The following UPF2 variants were observed in gnomAD, a reference collection of about 807,000 sequenced individuals.
UPF2 encodes regulator of nonsense transcripts 2.
A neutral mutation model predicts 141.4 loss-of-function variants in UPF2; 17 were observed. That is an observed-to-expected ratio of 0.12 (90% CI 0.08 to 0.18). UPF2 has a LOEUF of 0.18. Ranked by LOEUF, UPF2 falls within the 10% of genes least tolerant of loss-of-function variation. The pLI, the probability that UPF2 is intolerant of heterozygous loss-of-function variation, is 1.00. For synonymous variants in UPF2, 540 were observed against 498.0 expected, an observed-to-expected ratio of 1.08 and a Z score of -1.12; for missense variants, 1,152 against 1,515.9, an observed-to-expected ratio of 0.76 and a Z score of 3.99.
intron 8 of UPF2, among the ~76,000 whole-genome samples, chr10:11,993,538 C>A (rs558443211): frequency 0.051 from 7,783 of 151,272 alleles, 268 homozygotes; most frequent in Non-Finnish European, 0.079. Context: ...AAAAAAAAAC[C>A]AGACAGTATT....
Position 12,019,263 on chromosome 10 carries a change from T to C in UPF2, c.1146-5079A>G, listed in dbSNP as rs113535556. On this transcript the variant is annotated intron_variant, in intron 3 of 21. Transcript: ENST00000357604. This position sits in a 1 kb window ranked among gnomAD's most constrained non-coding sequence, Gnocchi z 4.5. ...AACTCTGCTAACATAACACAAAAGC[T>C]GCCACAGACAATATGTAAACAAATG... Among the ~76,000 whole-genome samples, 256 of 152,346 alleles carry C rather than the reference T, an allele frequency of 1.7e-3. 1 individual carries two copies. Among genetic ancestry groups the C allele is most frequent in the African/African-American group, 5.7e-3 (237 of 41,584 alleles).
At chr10:11,984,582 C>T (rs1742106284) in intron 8 of UPF2, among the ~76,000 whole-genome samples, 3 of 152,048 alleles carry the variant, frequency 2.0e-5, no homozygotes, top group East Asian at 1.9e-4. Context: ...TTTCCTTCCT[C>T]GTGCTACCTA....
intron 18 of UPF2, among the ~76,000 whole-genome samples, chr10:11,938,860 T>G (rs911620875): frequency 8.4e-5 from 6 of 71,360 alleles, no homozygotes; most frequent in East Asian, 1.6e-3. Flanking sequence ...TTTGTTTTTT[T>G]TTTTTTTTTT....
intron 3 of UPF2, among the ~76,000 whole-genome samples, chr10:12,025,548 C>CTAAATAAA (rs141211300): frequency 0.23 from 33,475 of 147,164 alleles, 4,040 homozygotes; most frequent in East Asian, 0.42. Context: ...GACTCCATCT[C>CTAAATAAA]TAAATAAATA....
chr10:11,935,974 A>G lies in UPF2; in HGVS notation c.3546+571T>C, dbSNP rs1272035395. Reference sequence around the variant, plus strand: ...GCAGCCGAGCCTCTTCCTGAGCTGCATCGGTTGCCATCCTCCTTTCCTTCC... The same window carrying G: ...GCAGCCGAGCCTCTTCCTGAGCTGCGTCGGTTGCCATCCTCCTTTCCTTCC... On this transcript the variant is annotated intron_variant, in intron 19 of 21. Coordinates refer to ENST00000357604, the MANE Select transcript of UPF2 (RefSeq NM_015542.4). This position sits in a 1 kb window ranked among gnomAD's most constrained non-coding sequence, Gnocchi z 4.9. Among the ~76,000 whole-genome samples the G allele has an allele frequency of 6.6e-6, 1 of 152,246 alleles. No individual in the cohort carries two copies. Among genetic ancestry groups the G allele is most frequent in the Non-Finnish European group, 1.5e-5 (1 of 68,042 alleles).
At chr10:12,007,568 C>G (rs1338522446) in intron 4 of UPF2, among the ~76,000 whole-genome samples, 1 of 152,056 alleles carries the variant, frequency 6.6e-6, no homozygotes, top group South Asian at 2.1e-4. Context: ...CAGTGGCTCA[C>G]GCCTGTAATC....
At chr10:12,030,515 G>C (rs1834499824) in intron 2 of UPF2, among the ~76,000 whole-genome samples, 1 of 151,226 alleles carries the variant, frequency 6.6e-6, no homozygotes, top group Admixed American at 6.6e-5. Context: ...ACTCCAACCT[G>C]GGCAACAGAG....
In UPF2 at chr10:11,939,403, C is replaced by T. The variant is rs1463467723; in HGVS notation, c.3379-2691G>A. Among the ~76,000 whole-genome samples the T allele has an allele frequency of 2.6e-5, 4 of 152,042 alleles. No homozygotes were observed. Among genetic ancestry groups the T allele is most frequent in the African/African-American group, 4.8e-5 (2 of 41,402 alleles). On this transcript the variant is annotated intron_variant, in intron 18 of 21. Transcript: ENST00000357604. The surrounding 1 kb of genome is among the most constrained non-coding windows in gnomAD (Gnocchi z 4.8). ...CTGTTTTCCCTTAACTGATTTGCAA[C>T]GTTATCTTCATCATATTACTAAACG... is the stretch of plus-strand genomic sequence containing the variant.
intron 1 of UPF2, among the ~76,000 whole-genome samples, chr10:12,038,823 A>T (rs1462338495): frequency 2.0e-5 from 3 of 152,080 alleles, no homozygotes; most frequent in Admixed American, 1.3e-4. Context: ...TTTTAATTTA[A>T]AAAAAAACTG....
Position 11,921,408 on chromosome 10 carries a change from C to T in UPF2, c.3810-101G>A, listed in dbSNP as rs1246589316. 6.7e-7 allele frequency: 1 copy of T among 1,485,470 alleles called. No individual in the cohort carries two copies. Among genetic ancestry groups the T allele is most frequent in the Non-Finnish European group, 9.3e-7 (1 of 1,070,772 alleles). The allele number at this position is 1,485,470 out of a possible 1,614,324, so 92.0% of individuals were successfully genotyped here. On this transcript the variant is annotated intron_variant, in intron 21 of 21. Transcript: ENST00000357604. This position sits in a 1 kb window ranked among gnomAD's most constrained non-coding sequence, Gnocchi z 5.9. ...CTACCCACCACCACCAAGTCACTCC[C>T]CCAAGTTACAGGTGGCCCTGGCATC... is the stretch of plus-strand genomic sequence containing the variant.
At chr10:11,952,443 A>G (rs985092730) in intron 14 of UPF2, among the ~76,000 whole-genome samples, 194 bp from the exon 15 acceptor site, 1 of 146,068 alleles carries the variant, frequency 6.8e-6, no homozygotes, top group Admixed American at 6.8e-5. Flanking sequence ...ACAGGTCTTG[A>G]GCTATTTGGT....
intron 9 of UPF2, among the ~76,000 whole-genome samples, chr10:11,971,104 A>G (rs1233074050): frequency 6.6e-6 from 1 of 152,152 alleles, no homozygotes; most frequent in East Asian, 1.9e-4. Flanking sequence ...TAAAAAAGAT[A>G]AAATTATACA....
intron 1 of UPF2, chr10:12,035,902 A>G: frequency 6.5e-6 from 1 of 152,684 alleles, no homozygotes. Flanking sequence ...TTCAGCTGAG[A>G]AAGGAAACAA....
chr10:12,033,694 T>G (rs910993826), intron 2 of UPF2, among the ~76,000 whole-genome samples: 1 of 152,110 alleles, frequency 6.6e-6, no homozygotes, highest in Admixed American at 6.5e-5. Flanking sequence ...TAAAAATAAA[T>G]AAGTTATATA....
intron 14 of UPF2, among the ~76,000 whole-genome samples, chr10:11,954,643 A>AAAAAAAATAT (rs1439199969): frequency 3.4e-4 from 43 of 128,352 alleles, no homozygotes; most frequent in African/African-American, 1.1e-3. Context: ...CAAAAAAAAA[A>AAAAAAAATAT]ATATATATAT....
At chr10:12,032,934 G>A (rs1441822536) in intron 2 of UPF2, among the ~76,000 whole-genome samples, 1 of 148,678 alleles carries the variant, frequency 6.7e-6, no homozygotes, top group Admixed American at 6.7e-5. Flanking sequence ...GGAGACTGCA[G>A]TACGTTATGA....
chr10:11,964,196 A>T, intron 10 of UPF2, 71 bp from the exon 11 acceptor site: 1 of 1,137,418 alleles, frequency 8.8e-7, no homozygotes, highest in Non-Finnish European at 1.3e-6. Context: ...ATTATCATAC[A>T]TCTAATGTGT....
chr10:11,950,430 A>G (rs1833058789), intron 15 of UPF2, among the ~76,000 whole-genome samples: 1 of 152,086 alleles, frequency 6.6e-6, no homozygotes, highest in African/African-American at 2.4e-5. Context: ...GAGACTTGGG[A>G]GTGCACTGAT....
chr10:12,012,360 C>T (rs1479010487), intron 4 of UPF2, among the ~76,000 whole-genome samples: 1 of 152,064 alleles, frequency 6.6e-6, no homozygotes, highest in African/African-American at 2.4e-5. Context: ...CCGCACCCAG[C>T]CATATGCTAA....
Sources: gnomAD v4.1 joint callset for allele counts (sites outside exome capture counted in the v4.1 genomes callset) on GRCh38, gnomAD v4.1.1 for gene constraint, Gnocchi (gnomAD v3.1) non-coding constraint, MANE v1.5 for transcripts, NCBI Gene and HGNC (gene_info 2026-07-23, HGNC 2026-07-21) for gene names.